Variants in APH1A observed in about 807,000 individuals in gnomAD.
APH1A encodes aph-1A gamma-secretase subunit.
Under a neutral mutation model 30.3 loss-of-function variants are expected in APH1A, and 16 were observed. That is an observed-to-expected ratio of 0.53 (90% CI 0.36 to 0.80). APH1A has a LOEUF of 0.80. APH1A is among the 30% of genes least tolerant of loss of function. APH1A has a pLI of 0.01. For synonymous variants in APH1A, 144 were observed against 140.1 expected (o/e 1.03, Z -0.20); for missense variants, 245 against 337.8 (o/e 0.73, Z 2.15).
chr1:150,268,165 G>C (rs199530341), intron 1 of APH1A, 38 bp from the exon 2 acceptor site: 1 of 1,599,026 alleles, frequency 6.3e-7, no homozygotes, highest in Non-Finnish European at 8.5e-7. Context: ...AGCAATAGTA[G>C]TGGGAGCCAG....
In APH1A at chr1:150,268,990, G is replaced by A. The variant is rs1173418386; in HGVS notation, c.-180C>T. 4 of 566,162 alleles carry A rather than the reference G, an allele frequency of 7.1e-6. No individual in the cohort carries two copies. Among genetic ancestry groups the A allele is most frequent in the African/African-American group, 5.7e-5 (3 of 52,890 alleles). The allele number at this position is 566,162 out of a possible 1,614,324, so 35.1% of individuals were successfully genotyped here. Reference sequence around the variant, plus strand: ...ACCGAAACCCCAAATGAAGGTCCGCGCCACTTCCTCTACGGAAGCCGAAGA... The same window carrying A: ...ACCGAAACCCCAAATGAAGGTCCGCACCACTTCCTCTACGGAAGCCGAAGA... On this transcript the variant is annotated 5_prime_UTR_variant, in exon 1 of 7. Transcript: ENST00000369109.
In APH1A at chr1:150,266,951, A is replaced by G. The variant is rs1415234654; in HGVS notation, c.609+124T>C. 4.8e-6 allele frequency: 7 copies of G among 1,460,930 alleles called. No individual in the cohort carries two copies. The African/African-American group carries it at 8.5e-5, about 18-fold the overall frequency. The allele number at this position is 1,460,930 out of a possible 1,614,324, so 90.5% of individuals were successfully genotyped here. A position where few individuals can be genotyped will look rare whatever the true frequency, so the allele number is the denominator to read the frequency against. ...ATGCTGAGGTGAGAGACCTTGAAAG[A>G]CTCACCTTTCCTCCTCCTCCCAGGT... On this transcript the variant is annotated intron_variant, in intron 5 of 6. Coordinates refer to ENST00000369109, the MANE Select transcript of APH1A (RefSeq NM_001077628.3).
intron 1 of APH1A, chr1:150,268,492 A>T: frequency 1.6e-6 from 1 of 611,504 alleles, no homozygotes; most frequent in Non-Finnish European, 2.9e-6. Context: ...TGGGAGGAAT[A>T]TAGGAGGAAT....
At chr1:150,267,273 G>T in intron 4 of APH1A, 71 bp from the exon 5 acceptor site, 1 of 1,612,736 alleles carries the variant, frequency 6.2e-7, no homozygotes, top group South Asian at 1.1e-5. Context: ...TTGAGCCAAA[G>T]AAGTCTCTCA....
chr1:150,267,886 C>G lies in APH1A; in HGVS notation c.284+71G>C, dbSNP rs1478016164. 5 of 1,612,492 alleles carry G rather than the reference C, an allele frequency of 3.1e-6. No homozygotes were observed. The East Asian group carries it at 1.1e-4, about 36-fold the overall frequency. Reference sequence around the variant, plus strand: ...AGTGCCTCCTCTTCCAAACCAGCACCCAGGGGCTGCCCCACTTCCCATAGT... The same window carrying G: ...AGTGCCTCCTCTTCCAAACCAGCACGCAGGGGCTGCCCCACTTCCCATAGT... On this transcript the variant is annotated intron_variant, in intron 2 of 6. Coordinates refer to ENST00000369109, the MANE Select transcript of APH1A (RefSeq NM_001077628.3).
At chr1:150,268,620 G>A in intron 1 of APH1A, 78 bp downstream of exon 1, 4 of 1,421,262 alleles carry the variant, frequency 2.8e-6, no homozygotes, top group Non-Finnish European at 3.9e-6. Flanking sequence ...CAGGCTCCCA[G>A]GCTTGCCCCA....
intron 5 of APH1A, 170 bp downstream of exon 5, chr1:150,266,905 C>A (rs1560033354): frequency 8.5e-7 from 1 of 1,179,876 alleles, no homozygotes. Flanking sequence ...AACCTCCTCC[C>A]CAGAGCAGGT....
Position 150,266,133 on chromosome 1 carries a change from G to C in APH1A, c.795C>G (p.Asp265Glu). 6.3e-7 allele frequency: 1 copy of C among 1,596,566 alleles called. No homozygotes were observed. The highest frequency in any genetic ancestry group is 8.5e-7 in the Non-Finnish European group (1 of 1,171,386). ...CAGGGGTCCCCCCTAGGTTCCCTCA[G>C]TCCTCGGGTGGGATGCGCAGGGCAG... ...VYSALRIPPE[D>E] The change falls in exon 7 of 7, where the codon GAC (aspartate) becomes GAG (glutamate). Residue 265 changes from aspartate to glutamate, a missense_variant. Physicochemically the swap from Asp to Glu is conservative, Grantham distance 45. Coordinates refer to ENST00000369109, the MANE Select transcript of APH1A (RefSeq NM_001077628.3).
In APH1A at chr1:150,268,905, A is replaced by C. The variant is rs1572091531; in HGVS notation, c.-95T>G. ...GGAGTCCGCGTGGGGTGGCAACGCGACCCCACGAGGGGCGCGGTGCAATGT... is the reference window on the plus strand; with the variant it reads ...GGAGTCCGCGTGGGGTGGCAACGCGCCCCCACGAGGGGCGCGGTGCAATGT... On this transcript the variant is annotated 5_prime_UTR_variant, in exon 1 of 7. Coordinates refer to ENST00000369109, the MANE Select transcript of APH1A (RefSeq NM_001077628.3). 4 of 1,090,598 alleles carry C rather than the reference A, an allele frequency of 3.7e-6. No homozygotes were observed. Among genetic ancestry groups the C allele is most frequent in the South Asian group, 2.8e-5 (2 of 71,076 alleles). The allele number at this position is 1,090,598 out of a possible 1,614,324, so 67.6% of individuals were successfully genotyped here.
chr1:150,266,760 T>C, intron 5 of APH1A, 104 bp from the exon 6 acceptor site: 1 of 1,358,990 alleles, frequency 7.4e-7, no homozygotes, highest in South Asian at 1.4e-5. Context: ...TCTCAAATTC[T>C]CCAGTCTTTC....
chr1:150,266,499 T>C (rs1198092675), intron 6 of APH1A, 34 bp downstream of exon 6: 3 of 1,613,250 alleles, frequency 1.9e-6, no homozygotes, highest in Non-Finnish European at 8.5e-7. Context: ...AGGTGGGATC[T>C]GTCAGGCGAT....
Position 150,268,629 on chromosome 1 carries a change from C to T in APH1A, c.113+69G>A, listed in dbSNP as rs587741697. 10 of 1,472,162 alleles carry T rather than the reference C, an allele frequency of 6.8e-6. No homozygotes were observed. The East Asian group carries it at 2.2e-4, about 32-fold the overall frequency. The allele number at this position is 1,472,162 out of a possible 1,614,324, so 91.2% of individuals were successfully genotyped here. ...CCAATTCAGGCTCCCAGGCTTGCCC[C>T]AGTTCCTCCAGCCCCTTCCGCACCT... is the stretch of plus-strand genomic sequence containing the variant. On this transcript the variant is annotated intron_variant, in intron 1 of 6. Coordinates refer to ENST00000369109, the MANE Select transcript of APH1A (RefSeq NM_001077628.3).
chr1:150,268,559 C>G, intron 1 of APH1A, 139 bp downstream of exon 1: 1 of 819,068 alleles, frequency 1.2e-6, no homozygotes, highest in East Asian at 2.7e-5. Flanking sequence ...TCTCCCAGAC[C>G]CAACCCCTCA....
chr1:150,266,118 C>T lies in APH1A; in HGVS notation c.*12G>A, dbSNP rs373144924. 1 of 1,587,636 alleles carries T rather than the reference C, an allele frequency of 6.3e-7. No homozygotes were observed. Among genetic ancestry groups the T allele is most frequent in the Non-Finnish European group, 8.6e-7 (1 of 1,166,530 alleles). On this transcript the variant is annotated 3_prime_UTR_variant, in exon 7 of 7. Coordinates refer to ENST00000369109, the MANE Select transcript of APH1A (RefSeq NM_001077628.3). ...AGGGCACCCCAGGCCCAGGGGTCCC[C>T]CCTAGGTTCCCTCAGTCCTCGGGTG...
intron 5 of APH1A, 87 bp downstream of exon 5, chr1:150,266,988 G>A (rs917747772): frequency 6.4e-7 from 1 of 1,567,438 alleles, no homozygotes; most frequent in Non-Finnish European, 8.7e-7. Context: ...AGTTAAAAAT[G>A]TTAAGAAGTG....
In APH1A at chr1:150,268,702, C is replaced by A. The variant is rs1309212378; in HGVS notation, c.109G>T (p.Ala37Ser). 7 of 1,611,136 alleles carry A rather than the reference C, an allele frequency of 4.3e-6. No individual in the cohort carries two copies. Among genetic ancestry groups the A allele is most frequent in the African/African-American group, 1.3e-5 (1 of 74,886 alleles). Residue 37 changes from alanine to serine, a missense_variant, in exon 1 of 7, where the codon GCA becomes TCA. Coordinates refer to ENST00000369109, the MANE Select transcript of APH1A (RefSeq NM_001077628.3). ...TCTCCCGGGCCCTCTACTCACCCTG[C>A]GACCAGGATGATAACGCGAAGCGGG... ...GDPLRVIILV[A>S]GAFFWLVSLL... is the part of the protein sequence containing the mutation.
At position 150,268,735 on chromosome 1, in the gene APH1A, C is replaced by A. The variant is rs782227937; in HGVS notation, c.76G>T (p.Ala26Ser). Reference sequence around the variant, plus strand: ...ATGATAACGCGAAGCGGGTCCCCAGCCACAGTGATCAAGAAAAGCGCGAAG... The same window carrying A: ...ATGATAACGCGAAGCGGGTCCCCAGACACAGTGATCAAGAAAAGCGCGAAG... ...PAFALFLITV[A>S]GDPLRVIILV... Residue 26 changes from alanine to serine, a missense_variant, in exon 1 of 7, where the codon GCT becomes TCT. Ala to Ser is a moderately conservative substitution (Grantham distance 99). Transcript: ENST00000369109. 14 of 1,613,662 alleles carry A rather than the reference C, an allele frequency of 8.7e-6. No homozygotes were observed. Among genetic ancestry groups the A allele is most frequent in the East Asian group, 2.2e-5 (1 of 44,886 alleles).
chr1:150,267,669 G>A (rs1553850208), intron 3 of APH1A, 47 bp downstream of exon 3: 21 of 1,591,426 alleles, frequency 1.3e-5, no homozygotes, highest in Non-Finnish European at 1.7e-5. Flanking sequence ...TTCCCTAGAG[G>A]AGGGGGCTGT....
intron 1 of APH1A, chr1:150,268,458 G>T: frequency 1.7e-6 from 1 of 593,812 alleles, no homozygotes; most frequent in Non-Finnish European, 3.0e-6. Flanking sequence ...ACGAGTCTCG[G>T]CCTTGGGCCT....
Sources: allele counts gnomAD v4.1 joint callset, GRCh38; gene constraint gnomAD v4.1.1; transcripts MANE v1.5; gene names NCBI Gene and HGNC (gene_info 2026-07-23, HGNC 2026-07-21).